Variants in TMCO6 observed in about 807,000 individuals in gnomAD.
TMCO6 encodes the protein transmembrane and coiled-coil domains 6, also known as transmembrane and coiled-coil domain-containing protein 6.
Under a neutral mutation model 61.8 loss-of-function variants are expected in TMCO6, and 47 were observed. That is an observed-to-expected ratio of 0.76 (90% CI 0.60 to 0.97). The LOEUF is 0.97. TMCO6 is among the 50% of genes least tolerant of loss of function. The pLI, the probability that TMCO6 is intolerant of heterozygous loss-of-function variation, is 0.00. For synonymous variants in TMCO6, 261 were observed against 254.2 expected (o/e 1.03, Z -0.25); for missense variants, 557 against 601.6 (o/e 0.93, Z 0.78).
At chr5:140,621,468 A>T in the TMCO6 span, among the ~76,000 whole-genome samples, 2 of 151,970 alleles carry the variant, frequency 1.3e-5, no homozygotes, top group South Asian at 4.2e-4. Flanking sequence ...GCCTGTCTTT[A>T]CTTTAATCTC....
upstream of TMCO6, among the ~76,000 whole-genome samples, chr5:140,638,153 G>A (rs542038063): frequency 6.6e-6 from 1 of 152,222 alleles, no homozygotes; most frequent in Non-Finnish European, 1.5e-5. Flanking sequence ...TGAACAAAGG[G>A]GCACGAGAGC....
At chr5:140,611,578 C>G in the TMCO6 span, among the ~76,000 whole-genome samples, 1 of 152,182 alleles carries the variant, frequency 6.6e-6, no homozygotes, top group African/African-American at 2.4e-5. Context: ...CAGTGTTTGT[C>G]CAAGATGACA....
chr5:140,621,638 C>T, the TMCO6 span, among the ~76,000 whole-genome samples: 2 of 152,308 alleles, frequency 1.3e-5, no homozygotes, highest in East Asian at 3.9e-4. Context: ...AGAGAGATAA[C>T]CTTAAACTCT....
At chr5:140,615,694 A>G in the TMCO6 span, among the ~76,000 whole-genome samples, 1 of 152,262 alleles carries the variant, frequency 6.6e-6, no homozygotes, top group Non-Finnish European at 1.5e-5. Context: ...AATAGATAAA[A>G]GAAAGTCTTT....
At chr5:140,618,818 T>A in the TMCO6 span, among the ~76,000 whole-genome samples, 1 of 152,040 alleles carries the variant, frequency 6.6e-6, no homozygotes, top group Non-Finnish European at 1.5e-5. Flanking sequence ...TTGAAAAAAA[T>A]TAACTCAAAA....
intron 1 of TMCO6, 52 bp from the exon 2 acceptor site, chr5:140,639,687 G>A (rs1359269910): frequency 2.6e-6 from 4 of 1,551,950 alleles, no homozygotes; most frequent in Non-Finnish European, 3.5e-6. Context: ...GGAGCCGCGG[G>A]TTCTGGGTTG....
At chr5:140,625,203 A>G in the TMCO6 span, among the ~76,000 whole-genome samples, 1 of 152,156 alleles carries the variant, frequency 6.6e-6, no homozygotes, top group East Asian at 1.9e-4. Flanking sequence ...GAGTCTTCTA[A>G]CTTACTCTCT....
chr5:140,644,093 C>T lies in TMCO6; in HGVS notation c.1106-7C>T, dbSNP rs1757227831. On this transcript the variant is annotated splice_polypyrimidine_tract_variant and splice_region_variant and intron_variant, in intron 9 of 11. Coordinates refer to ENST00000394671, the MANE Select transcript of TMCO6 (RefSeq NM_018502.5). Reference sequence around the variant, plus strand: ...AGCAGTTTTTCACCCTGGTACTTCTCTTCCAGCAAACAGTCCTAGTTTCTG... The same window carrying T: ...AGCAGTTTTTCACCCTGGTACTTCTTTTCCAGCAAACAGTCCTAGTTTCTG... 6.2e-7 allele frequency: 1 copy of T among 1,614,176 alleles called. No individual in the cohort carries two copies. The highest frequency in any genetic ancestry group is 8.5e-7 in the Non-Finnish European group (1 of 1,179,992).
the TMCO6 span, among the ~76,000 whole-genome samples, chr5:140,619,123 A>G: frequency 2.0e-5 from 3 of 152,372 alleles, no homozygotes; most frequent in Non-Finnish European, 2.9e-5. Context: ...AAACTCAACA[A>G]TAAAAAACAA....
the TMCO6 span, chr5:140,631,787 C>T: frequency 1.1e-5 from 16 of 1,427,456 alleles, no homozygotes; most frequent in African/African-American, 1.7e-4. Context: ...TCGAAAAGTC[C>T]TCAACGTCCT....
At position 140,641,737 on chromosome 5, in the gene TMCO6, C is replaced by T. The variant is rs1182164486; in HGVS notation, c.271C>T (p.Arg91Cys). ...GAGAGAGGGGGCTCTGGTCAGCCTT[C>T]GTCGAGGCTTGCAGCACCCTGAAAC... Reference protein sequence around the residue: ...KEREGALVSLRRGLQHPETQQ... With the variant: ...KEREGALVSLCRGLQHPETQQ... The change falls in exon 3 of 12, where the codon CGT becomes TGT. Residue 91 changes from arginine (R) to cysteine (C), a missense_variant. By Grantham distance (180) the Arg-to-Cys change is radical. Coordinates refer to ENST00000394671, the MANE Select transcript of TMCO6 (RefSeq NM_018502.5). 1.2e-5 allele frequency: 19 copies of T among 1,614,096 alleles called. No homozygotes were observed. The highest frequency in any genetic ancestry group is 5.3e-5 in the African/African-American group (4 of 74,918).
chr5:140,645,514 T>A (rs1277262346), downstream of TMCO6: 1 of 1,579,366 alleles, frequency 6.3e-7, no homozygotes, highest in East Asian at 2.2e-5. Flanking sequence ...GGAGAACACA[T>A]TTTTTTCACA....
At chr5:140,621,249 C>T in the TMCO6 span, among the ~76,000 whole-genome samples, 1 of 152,150 alleles carries the variant, frequency 6.6e-6, no homozygotes, top group African/African-American at 2.4e-5. Context: ...CTCCCTGTTG[C>T]AGGAAGTCAG....
At chr5:140,613,386 TAAAAAAAAAAAA>T in the TMCO6 span, among the ~76,000 whole-genome samples, 4 of 87,444 alleles carry the variant, frequency 4.6e-5, no homozygotes, top group South Asian at 4.1e-4. Flanking sequence ...AGACTCTGAC[TAAAAAAAAAAAA>T]AAAAAAAAAA....
chr5:140,607,791 C>T, the TMCO6 span, among the ~76,000 whole-genome samples: 5 of 138,052 alleles, frequency 3.6e-5, no homozygotes, highest in East Asian at 2.1e-4. Flanking sequence ...TTTCTATTTT[C>T]TTTTTTTTTT....
intron 10 of TMCO6, 48 bp downstream of exon 10, chr5:140,644,242 T>C (rs753067218): frequency 1.3e-6 from 2 of 1,578,442 alleles, no homozygotes; most frequent in South Asian, 1.1e-5. Flanking sequence ...TCGGATTGTA[T>C]GGGACAGCAG....
chr5:140,620,990 G>A, the TMCO6 span, among the ~76,000 whole-genome samples: 4 of 152,062 alleles, frequency 2.6e-5, no homozygotes, highest in East Asian at 7.7e-4. Flanking sequence ...TCCAACCTGG[G>A]GGACAGAGTG....
Position 140,643,901 on chromosome 5 carries a change from A to AG in TMCO6, c.1041dup (p.Phe348ValfsTer12). On this transcript the variant is annotated frameshift_variant, in exon 9 of 12. Transcript: ENST00000394671. LOFTEE classifies it high-confidence loss of function. ...GTGGCAGCCTTATTTATCCTTCTGC[A>AG]GTTCTTTTTCCAGAAACAGCCCAGT... 1 of 1,614,212 alleles carries AG rather than the reference A, an allele frequency of 6.2e-7. No individual in the cohort carries two copies. Among genetic ancestry groups the AG allele is most frequent in the Non-Finnish European group, 8.5e-7 (1 of 1,180,028 alleles).
rs758271531 is a variant in TMCO6, at chr5:140,643,036, C to T, written c.801C>T (p.Ile267=). 10 of 1,614,122 alleles carry T rather than the reference C, an allele frequency of 6.2e-6. No homozygotes were observed. In the East Asian group the frequency reaches 2.0e-4, roughly 32 times the overall value. The part of the protein sequence containing the change: ...VEFAWCLHYI[I]CSQVSNPLLI... Reference sequence around the variant, plus strand: ...TTGCCTGGTGCCTTCATTACATCATCTGCAGGTAACAGGGCAATTGGGAAA... The same window carrying T: ...TTGCCTGGTGCCTTCATTACATCATTTGCAGGTAACAGGGCAATTGGGAAA... The change falls in exon 7 of 12, where the codon ATC becomes ATT. Residue 267 remains isoleucine, a synonymous_variant. Coordinates refer to ENST00000394671, the MANE Select transcript of TMCO6 (RefSeq NM_018502.5).
Sources: gnomAD v4.1 joint callset for allele counts (sites outside exome capture counted in the v4.1 genomes callset) on GRCh38, gnomAD v4.1.1 for gene constraint, MANE v1.5 for transcripts, NCBI Gene and HGNC (gene_info 2026-07-23, HGNC 2026-07-21) for gene names.